Variants in ANXA8 observed in about 807,000 individuals in gnomAD.
ANXA8 encodes annexin A8.
In ANXA8, 9 loss-of-function variants were observed where a neutral mutation model predicts 26.8. The observed-to-expected ratio is 0.34, with a 90% confidence interval of 0.20 to 0.59. The LOEUF is 0.59. ANXA8 is among the 20% of genes least tolerant of loss of function. The probability of loss-of-function intolerance (pLI) is 0.84; values close to 1 mark genes in which losing one functional copy is unlikely to be tolerated. For missense variants in ANXA8, 83 were observed against 238.5 expected, an observed-to-expected ratio of 0.35 and a Z score of 4.29; for synonymous variants, 39 against 94.8, an observed-to-expected ratio of 0.41 and a Z score of 3.42.
At chr10:47,989,577 G>A in the ANXA8 span, among the ~76,000 whole-genome samples, 5 of 90,962 alleles carry the variant, frequency 5.5e-5, no homozygotes, top group African/African-American at 1.8e-4. Flanking sequence ...ACCTCCTGCT[G>A]AGAAGGAAGG....
the ANXA8 span, among the ~76,000 whole-genome samples, chr10:47,746,883 C>T: frequency 9.0e-6 from 1 of 111,038 alleles, no homozygotes; most frequent in Non-Finnish European, 1.9e-5. Flanking sequence ...TGTTTAATCC[C>T]ATTCCCTGTA....
At chr10:47,617,274 A>T in the ANXA8 span, among the ~76,000 whole-genome samples, 1 of 150,916 alleles carries the variant, frequency 6.6e-6, no homozygotes, top group African/African-American at 2.4e-5. Flanking sequence ...CTGCTAATAA[A>T]AAAGGGAGGG....
chr10:47,699,100 AC>A, the ANXA8 span, among the ~76,000 whole-genome samples: 11 of 151,738 alleles, frequency 7.2e-5, no homozygotes. Flanking sequence ...TAATCCCAGC[AC>A]TTTGAGAGGC....
chr10:47,556,064 G>A, the ANXA8 span, among the ~76,000 whole-genome samples: 1 of 151,930 alleles, frequency 6.6e-6, no homozygotes, highest in Admixed American at 6.6e-5. Context: ...TTTCTAGCCT[G>A]AGAGACTGGT....
At chr10:47,606,042 C>T in the ANXA8 span, among the ~76,000 whole-genome samples, 2 of 149,264 alleles carry the variant, frequency 1.3e-5, no homozygotes, top group Non-Finnish European at 2.9e-5. Context: ...TCAGTTATAA[C>T]CACATGGGTG....
chr10:47,570,990 C>T, the ANXA8 span, among the ~76,000 whole-genome samples: 1 of 150,746 alleles, frequency 6.6e-6, no homozygotes. Flanking sequence ...TTACGAGGAG[C>T]CTATTAACAT....
At chr10:47,669,519 G>A in the ANXA8 span, among the ~76,000 whole-genome samples, 1 of 150,840 alleles carries the variant, frequency 6.6e-6, no homozygotes, top group African/African-American at 2.4e-5. Flanking sequence ...GGGAGTTTGA[G>A]AGAAGCCTGG....
upstream of ANXA8, among the ~76,000 whole-genome samples, chr10:47,486,646 G>C (rs1181070284): frequency 7.3e-6 from 1 of 137,302 alleles, no homozygotes; most frequent in African/African-American, 2.7e-5. Flanking sequence ...GCAATGTATT[G>C]TATATTTCAA....
chr10:47,554,983 G>A, the ANXA8 span, among the ~76,000 whole-genome samples: 1 of 151,206 alleles, frequency 6.6e-6, no homozygotes. Flanking sequence ...CTCCCTCCAT[G>A]ATCAGACCTT....
chr10:47,761,000 C>T, the ANXA8 span: 132 of 1,426,760 alleles, frequency 9.3e-5, 2 homozygotes, highest in East Asian at 1.8e-3. Context: ...TCAGCCAGGA[C>T]GGTTGAGCAC....
the ANXA8 span, among the ~76,000 whole-genome samples, chr10:47,549,567 T>A: frequency 6.8e-6 from 1 of 147,736 alleles, no homozygotes; most frequent in African/African-American, 2.5e-5. Context: ...TTTTTCTTCC[T>A]GTGTTCTAAA....
intron 1 of ANXA8, among the ~76,000 whole-genome samples, chr10:47,481,726 A>T (rs1359615502): frequency 6.8e-6 from 1 of 146,272 alleles, no homozygotes; most frequent in Non-Finnish European, 1.5e-5. Flanking sequence ...CTCACTTCCC[A>T]CTCTAAGGTT....
chr10:47,663,181 CA>C, the ANXA8 span, among the ~76,000 whole-genome samples: 53 of 145,344 alleles, frequency 3.6e-4, 1 homozygote, highest in Middle Eastern at 3.4e-3. Flanking sequence ...GACCCTATCT[CA>C]AAAAAAAGAA....
At chr10:47,940,513 G>C in the ANXA8 span, among the ~76,000 whole-genome samples, 1 of 145,840 alleles carries the variant, frequency 6.9e-6, no homozygotes, top group Non-Finnish European at 1.5e-5. Flanking sequence ...CTAGGGGAAT[G>C]GGGCTTGTCT....
chr10:47,559,787 T>C, the ANXA8 span, among the ~76,000 whole-genome samples: 1 of 151,900 alleles, frequency 6.6e-6, no homozygotes, highest in African/African-American at 2.4e-5. Flanking sequence ...TTCACTTCTA[T>C]CCCCTCCTTG....
the ANXA8 span, among the ~76,000 whole-genome samples, chr10:47,697,319 T>C: frequency 1.3e-5 from 2 of 152,216 alleles, no homozygotes; most frequent in East Asian, 3.9e-4. Context: ...GAAGATTAAG[T>C]GAGAAAATGA....
chr10:47,643,549 AATCAATC>A, the ANXA8 span, among the ~76,000 whole-genome samples: 1 of 149,066 alleles, frequency 6.7e-6, no homozygotes, highest in African/African-American at 2.6e-5. Context: ...TCAATCAATC[AATCAATC>A]AATAAAACTT....
chr10:47,547,374 T>C, the ANXA8 span, among the ~76,000 whole-genome samples: 1 of 140,628 alleles, frequency 7.1e-6, no homozygotes, highest in South Asian at 2.3e-4. Flanking sequence ...TAAAATAAGC[T>C]ACCGTTTGTG....
chr10:47,553,106 A>T, the ANXA8 span, among the ~76,000 whole-genome samples: 2 of 151,952 alleles, frequency 1.3e-5, no homozygotes, highest in Non-Finnish European at 2.9e-5. Context: ...TTCAGAGGTT[A>T]TATTGCTTCT....
Sources: allele counts gnomAD v4.1 joint callset (sites outside exome capture counted in the v4.1 genomes callset), GRCh38; gene constraint gnomAD v4.1.1; transcripts MANE v1.5; gene names NCBI Gene and HGNC (gene_info 2026-07-23, HGNC 2026-07-21).